SULT1A1: variants seen among roughly 807,000 people sequenced by gnomAD.
SULT1A1 encodes sulfotransferase family 1A member 1.
In SULT1A1, 35 loss-of-function variants were observed where a neutral mutation model predicts 36.8. The ratio of observed to expected loss-of-function variants is 0.95; its 90% CI spans 0.73 to 1.26. SULT1A1 has a LOEUF of 1.26. Among genes scored for constraint, SULT1A1 ranks in the 50% most tolerant of loss-of-function variants. The pLI is 0.00. For missense variants in SULT1A1, 309 were observed against 383.0 expected (o/e 0.81, Z 1.61); for synonymous variants, 119 against 146.0 (o/e 0.82, Z 1.33).
chr16:28,606,609 T>TA (rs143299878), intron 6 of SULT1A1, 152 bp downstream of exon 6: 2 of 1,276,720 alleles, frequency 1.6e-6, no homozygotes, highest in Non-Finnish European at 2.2e-6. Flanking sequence ...AGGTGGGGCC[T>TA]TAGTGGGGAG....
chr16:28,606,301 C>G (rs2047183615), intron 6 of SULT1A1, 65 bp from the exon 7 acceptor site: 4 of 1,609,410 alleles, frequency 2.5e-6, no homozygotes, highest in Admixed American at 1.7e-5. Context: ...AAAAGGGGTC[C>G]CCTTCTCTAA....
intron 1 of SULT1A1, among the ~76,000 whole-genome samples, chr16:28,620,600 C>A (rs1162359413): frequency 6.7e-6 from 1 of 148,328 alleles, no homozygotes; most frequent in Non-Finnish European, 1.5e-5. Context: ...AGTCTCCACT[C>A]TAAAACTAGA....
intron 1 of SULT1A1, among the ~76,000 whole-genome samples, chr16:28,622,383 C>A (rs1334252510): frequency 6.6e-6 from 1 of 152,170 alleles, no homozygotes; most frequent in East Asian, 1.9e-4. Flanking sequence ...TTTCCACAGT[C>A]AAGCCCCTGT....
intron 1 of SULT1A1, among the ~76,000 whole-genome samples, chr16:28,622,277 C>T (rs1359504630): frequency 6.6e-6 from 1 of 152,150 alleles, no homozygotes; most frequent in Non-Finnish European, 1.5e-5. Context: ...TCAAAACCCG[C>T]CTCTTGGTGG....
intron 1 of SULT1A1, among the ~76,000 whole-genome samples, chr16:28,621,947 G>A (rs1234225037): frequency 1.3e-5 from 2 of 152,110 alleles, no homozygotes; most frequent in African/African-American, 4.8e-5. Flanking sequence ...CCCCAGCCCT[G>A]GGTGGAATGA....
intron 1 of SULT1A1, among the ~76,000 whole-genome samples, chr16:28,621,905 G>A (rs1353403550): frequency 2.6e-5 from 4 of 152,174 alleles, no homozygotes; most frequent in Non-Finnish European, 5.9e-5. Flanking sequence ...TGATCAGCCT[G>A]TTTTACAGCC....
chr16:28,609,359 T>G (rs1222876996), intron 1 of SULT1A1: 2 of 1,289,936 alleles, frequency 1.6e-6, no homozygotes, highest in Non-Finnish European at 2.0e-6. Flanking sequence ...TGTGATCCAC[T>G]TGCCTGGCCA....
At chr16:28,619,968 A>G (rs560169869) in intron 2 of SULT1A1, 2 of 1,089,704 alleles carry the variant, frequency 1.8e-6, no homozygotes, top group East Asian at 2.7e-5. Flanking sequence ...TACTGATTGT[A>G]TATGTATATA....
chr16:28,622,605 C>G (rs1233443338), intron 1 of SULT1A1, among the ~76,000 whole-genome samples: 1 of 152,172 alleles, frequency 6.6e-6, no homozygotes, highest in African/African-American at 2.4e-5. Context: ...GCTCTGCCCC[C>G]CAGGGTCACG....
upstream of SULT1A1, chr16:28,610,268 T>TTTG: frequency 1.1e-6 from 1 of 928,140 alleles, no homozygotes; most frequent in Non-Finnish European, 1.3e-6. Context: ...TTTTCTGTTT[T>TTTG]TTTTTTTTTT....
chr16:28,623,237 G>A (rs776125474), exon 1 of SULT1A1: 1 of 1,544,984 alleles, frequency 6.5e-7, no homozygotes, highest in Non-Finnish European at 8.7e-7. Flanking sequence ...GCTCCAGCAG[G>A]CCCAGCCACA....
intron 1 of SULT1A1, chr16:28,620,179 A>G: frequency 4.5e-6 from 7 of 1,568,500 alleles, no homozygotes; most frequent in Non-Finnish European, 6.1e-6. Context: ...TCAGTAGAGT[A>G]CTGTATAACA....
upstream of SULT1A1, chr16:28,610,090 G>C (rs1207238069): frequency 8.6e-6 from 11 of 1,285,086 alleles, 1 homozygote; most frequent in Non-Finnish European, 1.1e-5. Context: ...GCTTCCGGAA[G>C]GAAGGGGTGG....
intron 2 of SULT1A1, among the ~76,000 whole-genome samples, chr16:28,617,928 G>A (rs2047577409): frequency 6.6e-6 from 1 of 152,082 alleles, no homozygotes; most frequent in Non-Finnish European, 1.5e-5. Flanking sequence ...GGGTAGATGA[G>A]ACTCACTCAT....
upstream of SULT1A1, chr16:28,610,301 A>G: frequency 9.3e-6 from 9 of 963,364 alleles, no homozygotes; most frequent in Non-Finnish European, 1.2e-5. Flanking sequence ...CCGAGCTGTC[A>G]CTGGGCTCCT....
chr16:28,608,615 G>C lies in SULT1A1; in HGVS notation c.149-12C>G, dbSNP rs1160142730. 2.5e-6 allele frequency: 4 copies of C among 1,611,770 alleles called. No individual in the cohort carries two copies. The highest frequency in any genetic ancestry group is 3.4e-6 in the Non-Finnish European group (4 of 1,178,136). ...TACCCAGGTAGTGCCTGGAGAGGGA[G>C]GGAGATGGGAGGTGAGCAGGCTGAG... On this transcript the variant is annotated splice_polypyrimidine_tract_variant and intron_variant, in intron 2 of 7. Coordinates refer to ENST00000314752, the MANE Select transcript of SULT1A1 (RefSeq NM_001055.4).
exon 1 of SULT1A1, chr16:28,623,153 G>A (rs554271247): frequency 6.5e-7 from 1 of 1,536,028 alleles, no homozygotes. Context: ...CCGAGACCGC[G>A]ATGGGCGCAC....
upstream of SULT1A1, chr16:28,614,919 G>T (rs1467513824): frequency 8.7e-6 from 1 of 114,724 alleles, no homozygotes; most frequent in Admixed American, 9.8e-5. Flanking sequence ...ACACACTTCT[G>T]GTTCAGCACC....
At chr16:28,618,590 C>T (rs1482915796) in intron 2 of SULT1A1, among the ~76,000 whole-genome samples, 8 of 151,952 alleles carry the variant, frequency 5.3e-5, no homozygotes, top group African/African-American at 9.7e-5. Flanking sequence ...GTGATCCACC[C>T]GCCTCCACCT....
Sources: allele counts gnomAD v4.1 joint callset (sites outside exome capture counted in the v4.1 genomes callset), GRCh38; gene constraint gnomAD v4.1.1; transcripts MANE v1.5; gene names NCBI Gene and HGNC (gene_info 2026-07-23, HGNC 2026-07-21).